VWC2L: variants seen among roughly 807,000 people sequenced by gnomAD.
VWC2L encodes the protein von Willebrand factor C domain-containing protein 2-like.
A neutral mutation model predicts 21.6 loss-of-function variants in VWC2L; 10 were observed. The observed-to-expected ratio is 0.46, with a 90% CI of 0.29 to 0.78. The LOEUF is 0.78. VWC2L is among the 30% of genes least tolerant of loss of function. The probability of loss-of-function intolerance (pLI) is 0.10; values close to 1 mark genes in which losing one functional copy is unlikely to be tolerated. For missense variants in VWC2L, 209 were observed against 277.1 expected, an observed-to-expected ratio of 0.75 and a Z score of 1.74; for synonymous variants, 96 against 94.3, an observed-to-expected ratio of 1.02 and a Z score of -0.10.
At chr2:214,451,877 G>C (rs757655725) in intron 3 of VWC2L, among the ~76,000 whole-genome samples, 6 of 152,156 alleles carry the variant, frequency 3.9e-5, no homozygotes, top group Non-Finnish European at 2.9e-5. Context: ...ATTCTATCGA[G>C]ATATAATTAA....
intron 3 of VWC2L, among the ~76,000 whole-genome samples, chr2:214,489,135 C>G (rs59280417): frequency 6.6e-6 from 1 of 152,042 alleles, no homozygotes; most frequent in East Asian, 1.9e-4. Flanking sequence ...GGGTTTAGTC[C>G]CCAATCTCTT....
intron 3 of VWC2L, among the ~76,000 whole-genome samples, chr2:214,504,404 A>G (rs1688938671): frequency 6.6e-6 from 1 of 152,194 alleles, no homozygotes; most frequent in South Asian, 2.1e-4. Flanking sequence ...CACTAGTGAT[A>G]GAGGGCATGG....
In VWC2L at chr2:214,575,927, G is replaced by C. The variant is rs968939750; in HGVS notation, c.*107G>C. 6 of 1,336,570 alleles carry C rather than the reference G, an allele frequency of 4.5e-6. No individual in the cohort carries two copies. The highest frequency in any genetic ancestry group is 2.4e-5 in the Admixed American group (1 of 42,522). 82.8% of individuals were successfully genotyped at this position (1,336,570 alleles called of 1,614,324 possible). On this transcript the variant is annotated 3_prime_UTR_variant, in exon 4 of 4. Transcript: ENST00000312504. ...AAACAAACTCCTGCCAGCTACAACA[G>C]GGTCACCAGCAAAACTTTCTAGGGT...
chr2:214,420,931 CAG>C (rs1702428769), intron 2 of VWC2L, among the ~76,000 whole-genome samples: 1 of 152,168 alleles, frequency 6.6e-6, no homozygotes, highest in African/African-American at 2.4e-5. Context: ...TACAAAATAA[CAG>C]TGATTGAGAC....
intron 2 of VWC2L, among the ~76,000 whole-genome samples, chr2:214,423,963 G>A (rs1574557012): frequency 6.6e-6 from 1 of 151,822 alleles, no homozygotes; most frequent in East Asian, 1.9e-4. Context: ...AATGGAGTAT[G>A]CAAAATAGAT....
intron 3 of VWC2L, among the ~76,000 whole-genome samples, chr2:214,470,914 C>A (rs1703296800): frequency 3.2e-5 from 1 of 31,496 alleles, no homozygotes; most frequent in Non-Finnish European, 4.8e-5. Context: ...GAAACTCCAT[C>A]TCAAAAAAAA....
At chr2:214,488,363 C>T (rs1208977750) in intron 3 of VWC2L, among the ~76,000 whole-genome samples, 1 of 152,140 alleles carries the variant, frequency 6.6e-6, no homozygotes, top group African/African-American at 2.4e-5. Context: ...TTTGGGAGGC[C>T]AAGGCAGGTA....
intron 3 of VWC2L, among the ~76,000 whole-genome samples, chr2:214,497,856 G>A (rs964116831): frequency 3.3e-5 from 5 of 152,212 alleles, no homozygotes; most frequent in African/African-American, 7.2e-5. Context: ...TTTCAACAAT[G>A]ATAGTAAGTT....
chr2:214,447,124 A>G (rs934341858), intron 3 of VWC2L, among the ~76,000 whole-genome samples: 4 of 152,134 alleles, frequency 2.6e-5, no homozygotes, highest in Non-Finnish European at 5.9e-5. Context: ...AGTTGGATAT[A>G]GTTTCAGAAT....
At chr2:214,427,526 T>C (rs187030938) in intron 2 of VWC2L, among the ~76,000 whole-genome samples, 22 of 152,306 alleles carry the variant, frequency 1.4e-4, no homozygotes, top group African/African-American at 4.8e-4. Context: ...AAAAATACTG[T>C]CCAATGCCAT....
At chr2:214,504,960 A>G (rs1688947235) in intron 3 of VWC2L, among the ~76,000 whole-genome samples, 1 of 152,196 alleles carries the variant, frequency 6.6e-6, no homozygotes, top group African/African-American at 2.4e-5. Context: ...CCCAAAATAA[A>G]TTTGACTGGC....
At chr2:214,558,514 G>A (rs1689911353) in intron 3 of VWC2L, among the ~76,000 whole-genome samples, 1 of 152,256 alleles carries the variant, frequency 6.6e-6, no homozygotes, top group South Asian at 2.1e-4. Flanking sequence ...TAAGGAGCAT[G>A]TTCTACCTTA....
In VWC2L at chr2:214,487,691, T is replaced by G. The variant is rs76021815; in HGVS notation, c.520+50933T>G. ...GAAAAGCAAGAGTCCCTGGAGCAAG[T>G]GCATTCAAGAAAGCTGTACAGTCCA... On this transcript the variant is annotated intron_variant, in intron 3 of 3. Transcript: ENST00000312504. 5.6e-3 allele frequency among the ~76,000 whole-genome samples: 857 copies of G among 152,260 alleles called. 12 individuals carry two copies. The highest frequency in any genetic ancestry group is 0.019 in the African/African-American group (792 of 41,546).
chr2:214,518,099 G>A (rs1399564266), intron 3 of VWC2L, among the ~76,000 whole-genome samples: 3 of 152,098 alleles, frequency 2.0e-5, no homozygotes, highest in East Asian at 3.9e-4. Context: ...TCAGGAGGCC[G>A]AGCTTGCAGT....
At chr2:214,518,280 A>T (rs569328445) in intron 3 of VWC2L, among the ~76,000 whole-genome samples, 28 of 152,352 alleles carry the variant, frequency 1.8e-4, no homozygotes, top group Middle Eastern at 3.4e-3. Context: ...AAGATACCTC[A>T]GTTTTCTCAT....
chr2:214,549,479 A>T (rs1332135172), intron 3 of VWC2L, among the ~76,000 whole-genome samples: 1 of 152,244 alleles, frequency 6.6e-6, no homozygotes, highest in Non-Finnish European at 1.5e-5. Flanking sequence ...AGACCATATT[A>T]AAAAGTTGGC....
intron 3 of VWC2L, among the ~76,000 whole-genome samples, chr2:214,568,283 T>A (rs760714789): frequency 6.6e-6 from 1 of 152,226 alleles, no homozygotes; most frequent in Non-Finnish European, 1.5e-5. Flanking sequence ...ATGGTCCTGT[T>A]AATTTGTTTT....
intron 3 of VWC2L, among the ~76,000 whole-genome samples, chr2:214,563,138 G>A (rs898672236): frequency 6.6e-6 from 1 of 152,108 alleles, no homozygotes; most frequent in African/African-American, 2.4e-5. Context: ...TTCTATAGGT[G>A]TAAGGAAGGG....
At chr2:214,486,936 T>A (rs1688680515) in intron 3 of VWC2L, among the ~76,000 whole-genome samples, 1 of 152,218 alleles carries the variant, frequency 6.6e-6, no homozygotes, top group East Asian at 1.9e-4. Flanking sequence ...ATTCCCAGCA[T>A]CTCAGAATGT....
Sources: allele counts gnomAD v4.1 joint callset (sites outside exome capture counted in the v4.1 genomes callset), GRCh38; gene constraint gnomAD v4.1.1; transcripts MANE v1.5; gene names NCBI Gene and HGNC (gene_info 2026-07-23, HGNC 2026-07-21).